RIN3: variants seen among roughly 807,000 people sequenced by gnomAD.
RIN3 encodes the protein RAB5 interacting protein 3.
A neutral mutation model predicts 76.3 loss-of-function variants in RIN3; 54 were observed. The observed-to-expected ratio is 0.71, with a 90% CI of 0.57 to 0.89. The LOEUF (loss-of-function observed/expected upper bound fraction) is 0.89. Ranked by LOEUF, RIN3 falls within the 40% of genes least tolerant of loss-of-function variation. The pLI is 0.00. For synonymous variants in RIN3, 576 were observed against 564.0 expected (o/e 1.02, Z -0.30); for missense variants, 1,256 against 1,322.1 (o/e 0.95, Z 0.78).
At chr14:92,541,242 C>A (rs1027250605) in intron 1 of RIN3, among the ~76,000 whole-genome samples, 1 of 152,232 alleles carries the variant, frequency 6.6e-6, no homozygotes, top group African/African-American at 2.4e-5. Flanking sequence ...CCATTCATCT[C>A]CACAATGTGA....
Position 92,688,225 on chromosome 14 carries a change from G to C in RIN3, c.2931G>C (p.Leu977=). The C allele has an allele frequency of 1.9e-6, 3 of 1,598,102 alleles. No homozygotes were observed. Among genetic ancestry groups the C allele is most frequent in the South Asian group, 1.1e-5 (1 of 90,240 alleles). Residue 977 remains leucine, a synonymous_variant, in exon 10 of 10, where the codon CTG becomes CTC. Transcript: ENST00000216487. ...GCGGCGGCGGGAGCCCGCCCTGCCT[G>C]GTGGTGCGGGAGCCCAACTTCCTGT... ...GGGGGGSPPC[L]VVREPNFL is the part of the protein sequence containing the mutation.
At chr14:92,603,462 C>T (rs188225365) in intron 3 of RIN3, among the ~76,000 whole-genome samples, 69 of 152,234 alleles carry the variant, frequency 4.5e-4, no homozygotes, top group African/African-American at 1.5e-3. Context: ...TTTTGTGCAA[C>T]GACCCAGAGG....
chr14:92,555,982 A>G (rs1897567375), intron 2 of RIN3, 27 bp downstream of exon 2: 4 of 1,593,294 alleles, frequency 2.5e-6, no homozygotes, highest in South Asian at 1.1e-5. Context: ...CCCACTTGGT[A>G]GGCACACACA....
Position 92,653,074 on chromosome 14 carries a change from C to T in RIN3, c.2025C>T (p.Leu675=), listed in dbSNP as rs565945836. ...CCGCCCTGCACTCCGAGGAGGAGCT[C>T]GGTCAGTGCCCTGGGAGGAGGTGGC... ...VDPALHSEEE[L]EAIVESALYK... Residue 675 remains leucine, a splice_region_variant and synonymous_variant, in exon 6 of 10, where the codon CTC becomes CTT. Transcript: ENST00000216487. The T allele has an allele frequency of 1.5e-5, 24 of 1,598,362 alleles. No individual in the cohort carries two copies. Among genetic ancestry groups the T allele is most frequent in the Middle Eastern group, 1.7e-4 (1 of 6,026 alleles).
At chr14:92,659,518 G>A in intron 7 of RIN3, 49 bp downstream of exon 7, 1 of 1,510,164 alleles carries the variant, frequency 6.6e-7, no homozygotes, top group Non-Finnish European at 8.9e-7. Context: ...TCTTTGTATG[G>A]GTCCATGACC....
At chr14:92,679,826 A>G (rs4904974) in intron 8 of RIN3, among the ~76,000 whole-genome samples, 13,661 of 152,164 alleles carry the variant, frequency 0.09, 730 homozygotes, top group Admixed American at 0.12. Flanking sequence ...GAGTAAAAAG[A>G]GCAGTTTGGA....
chr14:92,585,527 A>C (rs1425246140), intron 3 of RIN3, among the ~76,000 whole-genome samples: 2 of 152,218 alleles, frequency 1.3e-5, no homozygotes, highest in Admixed American at 6.5e-5. Flanking sequence ...CCAGGGACAG[A>C]TGTGTCAGCT....
chr14:92,655,630 T>TCC (rs1887640934), intron 6 of RIN3, among the ~76,000 whole-genome samples: 1 of 152,148 alleles, frequency 6.6e-6, no homozygotes. Context: ...AGACTCAGAC[T>TCC]CAGTGTGAGG....
rs115216558 is a variant in RIN3 at position 92,543,838 on chromosome 14, C to T, written c.45-11913C>T. The stretch of plus-strand genomic sequence containing the variant: ...TCATTTACTTATTCATTGTCCTAGA[C>T]GGGTGTTTTATTGGCACATCTCTGA... On this transcript the variant is annotated intron_variant, in intron 1 of 9. Coordinates refer to ENST00000216487, the MANE Select transcript of RIN3 (RefSeq NM_024832.5). 3.4e-3 allele frequency among the ~76,000 whole-genome samples: 520 copies of T among 151,976 alleles called. 2 individuals are homozygous for T. The highest frequency in any genetic ancestry group is 0.012 in the African/African-American group (493 of 41,406).
At chr14:92,572,199 C>G (rs1241736881) in intron 2 of RIN3, among the ~76,000 whole-genome samples, 1 of 152,184 alleles carries the variant, frequency 6.6e-6, no homozygotes, top group Non-Finnish European at 1.5e-5. Context: ...GGCTTCTTCC[C>G]CTGGGGTGGG....
intron 3 of RIN3, among the ~76,000 whole-genome samples, chr14:92,580,704 C>T (rs1195091294): frequency 6.6e-6 from 1 of 152,226 alleles, no homozygotes; most frequent in East Asian, 1.9e-4. Flanking sequence ...CGTGCAGCCT[C>T]CAGTTTCCTA....
At chr14:92,655,834 A>G (rs540114091) in intron 6 of RIN3, among the ~76,000 whole-genome samples, 1 of 152,336 alleles carries the variant, frequency 6.6e-6, no homozygotes, top group East Asian at 1.9e-4. Flanking sequence ...CACAGCGTCC[A>G]TCCTGGGGCA....
intron 2 of RIN3, among the ~76,000 whole-genome samples, chr14:92,571,553 C>T (rs912766416): frequency 3.9e-5 from 6 of 152,160 alleles, no homozygotes; most frequent in African/African-American, 1.4e-4. Flanking sequence ...CACACACACT[C>T]ACTCACAATT....
At position 92,683,686 on chromosome 14, in the gene RIN3, C is replaced by T. The variant is rs116403797; in HGVS notation, c.2468-1301C>T. 4.9e-3 allele frequency among the ~76,000 whole-genome samples: 742 copies of T among 152,252 alleles called. 7 individuals are homozygous for T. The highest frequency in any genetic ancestry group is 0.017 in the African/African-American group (707 of 41,536). ...GAAAATGTAAAAATCAGCCTACAAT[C>T]GCTTGAGCCCAGGAGTTGGAGGCTC... On this transcript the variant is annotated intron_variant, in intron 8 of 9. Coordinates refer to ENST00000216487, the MANE Select transcript of RIN3 (RefSeq NM_024832.5).
rs202083287 is a variant in RIN3, at chr14:92,582,005, A to G, written c.367+4528A>G. Among the ~76,000 whole-genome samples, 7 of 152,286 alleles carry G rather than the reference A, an allele frequency of 4.6e-5. No homozygotes were observed. The East Asian group carries it at 1.4e-3, about 29-fold the overall frequency. ...GACAGCACCCGGGGGATGGTGGAGG[A>G]CGAGGAAACTGATCAGATATTGACA... On this transcript the variant is annotated intron_variant, in intron 3 of 9. Transcript: ENST00000216487.
Position 92,685,194 on chromosome 14 carries a change from G to A in RIN3, c.2631+44G>A. ...AGGGGCCCGGTGGGGCCATGTCCCAGACACCATCCCTGCTGCCTGCTGGCT... is the reference window on the plus strand; with the variant it reads ...AGGGGCCCGGTGGGGCCATGTCCCAAACACCATCCCTGCTGCCTGCTGGCT... On this transcript the variant is annotated intron_variant, in intron 9 of 9. Transcript: ENST00000216487. The surrounding 1 kb of genome is among the most constrained non-coding windows in gnomAD (Gnocchi z 4.7). The A allele has an allele frequency of 6.5e-7, 1 of 1,537,856 alleles. No individual in the cohort carries two copies. The highest frequency in any genetic ancestry group is 8.8e-7 in the Non-Finnish European group (1 of 1,134,516).
intron 1 of RIN3, among the ~76,000 whole-genome samples, chr14:92,523,090 C>T (rs762402554): frequency 2.6e-5 from 4 of 152,124 alleles, no homozygotes; most frequent in Non-Finnish European, 5.9e-5. Flanking sequence ...GAGAGGAATA[C>T]ATACTATCTT....
rs949336961 is a variant in RIN3 at position 92,688,320 on chromosome 14, C to A, written c.*68C>A. 4.4e-5 allele frequency: 61 copies of A among 1,380,620 alleles called. No homozygotes were observed. Among genetic ancestry groups the A allele is most frequent in the Non-Finnish European group, 5.8e-5 (60 of 1,040,496 alleles). 85.5% of individuals were successfully genotyped at this position (1,380,620 alleles called of 1,614,324 possible). A position where few individuals can be genotyped will look rare whatever the true frequency, so the allele number is the denominator to read the frequency against. ...GGCCCCGCCTCTGGCTGCGCACTCCCGACCGCGACGTCCACGCAGCAGAGG... is the reference window on the plus strand; with the variant it reads ...GGCCCCGCCTCTGGCTGCGCACTCCAGACCGCGACGTCCACGCAGCAGAGG... On this transcript the variant is annotated 3_prime_UTR_variant, in exon 10 of 10. Transcript: ENST00000216487.
intron 1 of RIN3, among the ~76,000 whole-genome samples, chr14:92,529,969 G>A (rs1488705922): frequency 6.6e-6 from 1 of 152,170 alleles, no homozygotes; most frequent in African/African-American, 2.4e-5. Flanking sequence ...GTATTGATTG[G>A]TTGATAAAAA....
Sources: allele counts gnomAD v4.1 joint callset (sites outside exome capture counted in the v4.1 genomes callset), GRCh38; gene constraint gnomAD v4.1.1; non-coding constraint Gnocchi (gnomAD v3.1); transcripts MANE v1.5; gene names NCBI Gene and HGNC (gene_info 2026-07-23, HGNC 2026-07-21).